Variants in TMEM135 observed in about 807,000 individuals in gnomAD.
TMEM135 encodes peroxisomal membrane protein 52.
TMEM135 carries 30 observed loss-of-function variants against 60.3 expected under a neutral mutation model. The ratio of observed to expected loss-of-function variants is 0.50; its 90% CI spans 0.37 to 0.68. The LOEUF is 0.68. TMEM135 is among the 30% of genes least tolerant of loss of function. The pLI is 0.00. For missense variants in TMEM135, 468 were observed against 548.8 expected (o/e 0.85, Z 1.47); for synonymous variants, 190 against 186.7 (o/e 1.02, Z -0.14).
chr11:87,323,045 C>A lies in TMEM135; in HGVS notation c.*1712C>A, dbSNP rs777949247. ...GAGAACTGCACCTCATTTTCTTTATCCAGAAATTGTGCTTATATATTTTCC... is the reference window on the plus strand; with the variant it reads ...GAGAACTGCACCTCATTTTCTTTATACAGAAATTGTGCTTATATATTTTCC... On this transcript the variant is annotated 3_prime_UTR_variant, in exon 15 of 15. Coordinates refer to ENST00000305494, the MANE Select transcript of TMEM135 (RefSeq NM_022918.4). 2.9e-5 allele frequency: 13 copies of A among 454,016 alleles called. No homozygotes were observed. Among genetic ancestry groups the A allele is most frequent in the Non-Finnish European group, 5.3e-5 (12 of 226,654 alleles). 28.1% of individuals were successfully genotyped at this position (454,016 alleles called of 1,614,324 possible).
At chr11:87,180,848 C>CATGA (rs1390362995) in intron 5 of TMEM135, among the ~76,000 whole-genome samples, 5 of 152,312 alleles carry the variant, frequency 3.3e-5, no homozygotes, top group African/African-American at 1.2e-4. Context: ...AAGCCTTTAG[C>CATGA]ATGACCAAGA....
At chr11:87,239,113 T>C (rs528140724) in intron 6 of TMEM135, among the ~76,000 whole-genome samples, 1 of 152,132 alleles carries the variant, frequency 6.6e-6, no homozygotes, top group South Asian at 2.1e-4. Context: ...CCTATAAATA[T>C]GTGTTTTGGT....
chr11:87,093,101 A>T (rs142397032), intron 4 of TMEM135, among the ~76,000 whole-genome samples: 3 of 152,122 alleles, frequency 2.0e-5, no homozygotes, highest in African/African-American at 7.2e-5. Context: ...GTCCCTCTTC[A>T]TATTTTCTTA....
At chr11:87,300,547 ATTG>A (rs1942425825) in intron 7 of TMEM135, among the ~76,000 whole-genome samples, 1 of 152,216 alleles carries the variant, frequency 6.6e-6, no homozygotes, top group South Asian at 2.1e-4. Context: ...CACCTATAGT[ATTG>A]TTGTGAGGAT....
At chr11:87,144,391 A>G (rs896460331) in intron 4 of TMEM135, among the ~76,000 whole-genome samples, 7 of 152,152 alleles carry the variant, frequency 4.6e-5, no homozygotes, top group Admixed American at 2.6e-4. Context: ...CAATTCTGCT[A>G]TTGTAGTTTG....
At chr11:87,119,885 TAAA>T (rs1230664977) in intron 4 of TMEM135, among the ~76,000 whole-genome samples, 1 of 149,006 alleles carries the variant, frequency 6.7e-6, no homozygotes. Context: ...TTTACTTTTT[TAAA>T]AAAAAAAAAA....
intron 3 of TMEM135, among the ~76,000 whole-genome samples, chr11:87,078,966 A>G (rs1372020693): frequency 6.6e-6 from 1 of 151,682 alleles, no homozygotes; most frequent in Non-Finnish European, 1.5e-5. Context: ...TACCAAGACG[A>G]ATATTTAGCT....
At chr11:87,186,472 A>G (rs1304624060) in intron 5 of TMEM135, among the ~76,000 whole-genome samples, 1 of 152,314 alleles carries the variant, frequency 6.6e-6, no homozygotes, top group African/African-American at 2.4e-5. Context: ...TTCATCTGAT[A>G]TAATTTTGGT....
chr11:87,116,498 A>G (rs1219517799), intron 4 of TMEM135, among the ~76,000 whole-genome samples: 22 of 152,184 alleles, frequency 1.4e-4, no homozygotes. Flanking sequence ...GATTCCAGAT[A>G]TTGGAAAATT....
At chr11:87,273,507 A>G (rs1941910068) in intron 6 of TMEM135, among the ~76,000 whole-genome samples, 1 of 152,124 alleles carries the variant, frequency 6.6e-6, no homozygotes, top group African/African-American at 2.4e-5. Flanking sequence ...ATAAAGAAAA[A>G]TAGAAGAAAC....
intron 1 of TMEM135, among the ~76,000 whole-genome samples, chr11:87,057,314 T>G (rs1006266351): frequency 5.9e-5 from 9 of 152,214 alleles, no homozygotes; most frequent in African/African-American, 2.2e-4. Flanking sequence ...GGTATGATTT[T>G]CATTACAGGG....
chr11:87,133,006 G>C (rs1937981180), intron 4 of TMEM135, among the ~76,000 whole-genome samples: 1 of 152,140 alleles, frequency 6.6e-6, no homozygotes, highest in Non-Finnish European at 1.5e-5. Flanking sequence ...ATGATACCAG[G>C]ACAGTCGATG....
intron 4 of TMEM135, among the ~76,000 whole-genome samples, chr11:87,156,286 C>T (rs1233465439): frequency 6.6e-6 from 1 of 151,900 alleles, no homozygotes; most frequent in Admixed American, 6.6e-5. Flanking sequence ...GTTTTAAATC[C>T]GAAAGTGAGT....
At chr11:87,199,750 TG>T in intron 5 of TMEM135, among the ~76,000 whole-genome samples, 1 of 152,084 alleles carries the variant, frequency 6.6e-6, no homozygotes, top group East Asian at 1.9e-4. Flanking sequence ...GCCAACAAGG[TG>T]AAACTGCATC....
intron 5 of TMEM135, among the ~76,000 whole-genome samples, chr11:87,194,762 G>A (rs1939895198): frequency 6.6e-6 from 1 of 152,060 alleles, no homozygotes; most frequent in Admixed American, 6.5e-5. Flanking sequence ...AATAGAGAAG[G>A]GAAAACCTAA....
chr11:87,123,734 C>T (rs1337279677), intron 4 of TMEM135, among the ~76,000 whole-genome samples: 1 of 152,184 alleles, frequency 6.6e-6, no homozygotes, highest in Non-Finnish European at 1.5e-5. Flanking sequence ...TATTTATTCT[C>T]TCAATAGATG....
chr11:87,067,878 C>T, intron 2 of TMEM135, 57 bp downstream of exon 2: 2 of 1,596,164 alleles, frequency 1.3e-6, no homozygotes, highest in South Asian at 1.1e-5. Context: ...GAAATGGAAA[C>T]AAGTATGTGT....
chr11:87,237,509 A>G (rs1941024831), intron 6 of TMEM135, among the ~76,000 whole-genome samples: 1 of 151,998 alleles, frequency 6.6e-6, no homozygotes, highest in Non-Finnish European at 1.5e-5. Context: ...TTAGTAGGAT[A>G]TATTTGGTAG....
At chr11:87,191,575 G>A (rs1008678966) in intron 5 of TMEM135, among the ~76,000 whole-genome samples, 24 of 152,088 alleles carry the variant, frequency 1.6e-4, no homozygotes, top group African/African-American at 5.8e-4. Context: ...TCAACACTTT[G>A]GGGCAGGGAA....
Sources: allele counts gnomAD v4.1 joint callset (sites outside exome capture counted in the v4.1 genomes callset), GRCh38; gene constraint gnomAD v4.1.1; transcripts MANE v1.5; gene names NCBI Gene and HGNC (gene_info 2026-07-23, HGNC 2026-07-21).